Variants in COA1 observed in about 807,000 individuals in gnomAD.
The protein encoded by COA1 is cytochrome c oxidase assembly factor 1, also known as cytochrome c oxidase assembly factor 1 homolog.
COA1 carries 13 observed loss-of-function variants against 16.0 expected under a neutral mutation model. The observed-to-expected ratio is 0.81, with a 90% CI of 0.53 to 1.29. The LOEUF (loss-of-function observed/expected upper bound fraction) is 1.29. Ranked by LOEUF, COA1 falls within the 50% of genes most tolerant of loss-of-function variation. COA1 has a pLI of 0.00. For missense variants in COA1, 179 were observed against 177.0 expected (o/e 1.01, Z -0.06); for synonymous variants, 65 against 65.7 (o/e 0.99, Z 0.05).
chr7:43,693,397 G>C (rs1300295076), intron 1 of COA1, among the ~76,000 whole-genome samples: 1 of 152,058 alleles, frequency 6.6e-6, no homozygotes, highest in Non-Finnish European at 1.5e-5. Flanking sequence ...AATATCTGTA[G>C]AGATCATCCT....
At chr7:43,624,248 A>G (rs143444908) in intron 6 of COA1, among the ~76,000 whole-genome samples, 1 of 152,332 alleles carries the variant, frequency 6.6e-6, no homozygotes, top group African/African-American at 2.4e-5. Context: ...GCTAATCTCT[A>G]GCAGATACTT....
At chr7:43,621,126 A>G (rs2083844378) in intron 6 of COA1, among the ~76,000 whole-genome samples, 1 of 152,276 alleles carries the variant, frequency 6.6e-6, no homozygotes, top group East Asian at 1.9e-4. Flanking sequence ...CTGTATGGCA[A>G]TGATAGTTCA....
At chr7:43,620,986 G>GC in intron 6 of COA1, among the ~76,000 whole-genome samples, 1 of 152,298 alleles carries the variant, frequency 6.6e-6, no homozygotes, top group South Asian at 2.1e-4. Flanking sequence ...AATGAAGAGA[G>GC]CAGGGTCTCC....
chr7:43,638,743 T>C (rs1456535821), downstream of COA1: 1 of 151,958 alleles, frequency 6.6e-6, no homozygotes. Flanking sequence ...GCCTGGCTAA[T>C]TTTTTGTATT....
chr7:43,708,117 T>C (rs932823448), intron 1 of COA1, among the ~76,000 whole-genome samples: 1 of 152,152 alleles, frequency 6.6e-6, no homozygotes, highest in Non-Finnish European at 1.5e-5. Flanking sequence ...GGCAGGAGAA[T>C]TGCTTGAACC....
chr7:43,729,258 CT>C (rs1461690140), intron 1 of COA1, among the ~76,000 whole-genome samples, 170 bp downstream of exon 1: 2 of 152,246 alleles, frequency 1.3e-5, no homozygotes, highest in East Asian at 3.8e-4. Context: ...GCCAAAGAAG[CT>C]GCGCAGGGAG....
At chr7:43,647,853 G>A in intron 2 of COA1, 1 of 550,754 alleles carries the variant, frequency 1.8e-6, no homozygotes, top group Non-Finnish European at 3.2e-6. Context: ...CCATGTCCAG[G>A]ACCCATGCTG....
chr7:43,664,103 A>AAGAGAAAGAGAGAGAGAG lies in COA1; in HGVS notation c.-38-15452_-38-15451insCTCTCTCTCTCTTTCTCT, dbSNP rs1554520106. On this transcript the variant is annotated intron_variant, in intron 1 of 5. Transcript: ENST00000223336. ...GAATCATTTAGTATTTGTCTTTAGA[A>AAGAGAAAGAGAGAGAGAG]AGAGAGAGAGAGAGAGAGAGAGAGA... is the stretch of plus-strand genomic sequence containing the variant. Among the ~76,000 whole-genome samples the AAGAGAAAGAGAGAGAGAG allele has an allele frequency of 2.2e-5, 3 of 135,232 alleles. No homozygotes were observed. In the South Asian group the frequency reaches 7.7e-4, roughly 35 times the overall value. 88.7% of individuals were successfully genotyped at this position (135,232 alleles called of 152,430 possible). A position where few individuals can be genotyped will look rare whatever the true frequency, so the allele number is the denominator to read the frequency against.
At chr7:43,646,526 C>T (rs1021800290) in intron 3 of COA1, 3 of 456,052 alleles carry the variant, frequency 6.6e-6, no homozygotes, top group African/African-American at 6.0e-5. Flanking sequence ...CGAGATTCAA[C>T]CATTCAACCC....
intron 1 of COA1, among the ~76,000 whole-genome samples, chr7:43,687,894 C>T (rs1046631620): frequency 1.3e-5 from 2 of 152,098 alleles, no homozygotes; most frequent in Admixed American, 6.5e-5. Flanking sequence ...ATTCTATCTC[C>T]CAGAATTGCC....
At chr7:43,685,553 T>C (rs1227491747) in intron 1 of COA1, among the ~76,000 whole-genome samples, 2 of 152,148 alleles carry the variant, frequency 1.3e-5, no homozygotes, top group African/African-American at 4.8e-5. Flanking sequence ...TATTAATTGA[T>C]TATATCACAA....
chr7:43,697,117 TCAAAAAA>T (rs1056870691), intron 1 of COA1, among the ~76,000 whole-genome samples: 71 of 148,870 alleles, frequency 4.8e-4, no homozygotes, highest in East Asian at 6.0e-4. Context: ...AGACTCCATC[TCAAAAAA>T]CAAAAAACAA....
intron 1 of COA1, among the ~76,000 whole-genome samples, chr7:43,700,591 C>CGTGTGTGTGTGTGTGTGT (rs58589217): frequency 8.3e-5 from 12 of 144,868 alleles, no homozygotes; most frequent in African/African-American, 2.3e-4. Context: ...TGTATATATA[C>CGTGTGTGTGTGTGTGTGT]GTGTGTGTGT....
At chr7:43,608,941 G>C (rs1276026719) in exon 7 of COA1, 1 of 152,352 alleles carries the variant, frequency 6.6e-6, no homozygotes, top group Non-Finnish European at 1.5e-5. Context: ...GAGATTAGAG[G>C]CAGGTAGATT....
intron 1 of COA1, among the ~76,000 whole-genome samples, chr7:43,691,421 AAAAGAAAGAAAG>A (rs375210311): frequency 0.11 from 9,576 of 86,996 alleles, 648 homozygotes; most frequent in South Asian, 0.19. Flanking sequence ...GGAAGAAAGA[AAAAGAAAGAAAG>A]AAAGAAAGAA....
At chr7:43,711,682 A>G (rs2095253787) in intron 1 of COA1, among the ~76,000 whole-genome samples, 1 of 152,208 alleles carries the variant, frequency 6.6e-6, no homozygotes. Flanking sequence ...CAACACACCT[A>G]AGCTGTATGG....
At chr7:43,691,421 A>AAAAAAG (rs2094347008) in intron 1 of COA1, among the ~76,000 whole-genome samples, 2 of 87,516 alleles carry the variant, frequency 2.3e-5, no homozygotes, top group African/African-American at 9.5e-5. Context: ...GGAAGAAAGA[A>AAAAAAG]AAAGAAAGAA....
At chr7:43,653,702 G>GT (rs748080308) in intron 1 of COA1, among the ~76,000 whole-genome samples, 39 of 151,892 alleles carry the variant, frequency 2.6e-4, no homozygotes, top group Non-Finnish European at 5.0e-4. Flanking sequence ...TGGCACAAAA[G>GT]TAATTGTGGT....
intron 1 of COA1, among the ~76,000 whole-genome samples, chr7:43,673,163 G>A (rs1228716127): frequency 6.6e-6 from 1 of 152,218 alleles, no homozygotes; most frequent in Non-Finnish European, 1.5e-5. Flanking sequence ...ATTGACAAGT[G>A]AGATCTAATT....
Sources: gnomAD v4.1 joint callset for allele counts (sites outside exome capture counted in the v4.1 genomes callset) on GRCh38, gnomAD v4.1.1 for gene constraint, MANE v1.5 for transcripts, NCBI Gene and HGNC (gene_info 2026-07-23, HGNC 2026-07-21) for gene names.